RSRP1: variants seen among roughly 807,000 people sequenced by gnomAD.
RSRP1 encodes arginine and serine rich protein 1, also known as arginine/serine-rich protein 1.
In RSRP1, 37 loss-of-function variants were observed where a neutral mutation model predicts 33.0. The observed-to-expected ratio is 1.12, with a 90% CI of 0.86 to 1.48. RSRP1 has a LOEUF of 1.48. RSRP1 is among the 40% of genes most tolerant of loss of function. The pLI is 0.00. For missense variants in RSRP1, 402 were observed against 385.3 expected, an observed-to-expected ratio of 1.04 and a Z score of -0.36; for synonymous variants, 167 against 158.7, an observed-to-expected ratio of 1.05 and a Z score of -0.40.
upstream of RSRP1, chr1:25,338,188 G>A (rs937378601): frequency 1.3e-5 from 2 of 152,270 alleles, no homozygotes; most frequent in Admixed American, 6.5e-5. Flanking sequence ...CCGACGTCCA[G>A]CTGTGAACCC....
At position 25,259,103 on chromosome 1, in the gene RSRP1, C is replaced by CT. The variant is rs764030653; in HGVS notation, c.-66-12075dup. Among the ~76,000 whole-genome samples the CT allele has an allele frequency of 7.4e-5, 11 of 148,170 alleles. No individual in the cohort carries two copies. The East Asian group carries it at 7.8e-4, about 11-fold the overall frequency. ...TTTATTATTATTCCCTTTTTTTTTT[C>CT]TTTTTTTTGAGATGTAGTCTTACTC... On this transcript the variant is annotated intron_variant, in intron 1 of 1. Coordinates refer to the RSRP1 transcript ENST00000561867.
Position 25,320,968 on chromosome 1 carries a change from C to T in RSRP1, c.-67+17010G>A, listed in dbSNP as rs374703776. On this transcript the variant is annotated intron_variant, in intron 1 of 1. Coordinates refer to the RSRP1 transcript ENST00000561867. ...CTGAGGTGGGAGGGTTGCTTGACCC[C>T]GGGAGTTTGAGGCTGCAATGAGCTG... Among the ~76,000 whole-genome samples, 10 of 131,104 alleles carry T rather than the reference C, an allele frequency of 7.6e-5. 2 individuals are homozygous for T. The highest frequency in any genetic ancestry group is 3.9e-4 in the East Asian group (2 of 5,076). 86.0% of individuals were successfully genotyped at this position (131,104 alleles called of 152,430 possible).
chr1:25,260,316 T>G (rs1640091825), intron 1 of RSRP1, among the ~76,000 whole-genome samples: 1 of 152,228 alleles, frequency 6.6e-6, no homozygotes, highest in African/African-American at 2.4e-5. Flanking sequence ...CTTACATAAA[T>G]GTAGTTACAT....
rs759038817 is a variant in RSRP1 at position 25,290,727 on chromosome 1, T to A, written c.-66-43698A>T. 1.5e-6 allele frequency: 2 copies of A among 1,377,426 alleles called. 1 individual carries two copies. The allele number at this position is 1,377,426 out of a possible 1,614,324, so 85.3% of individuals were successfully genotyped here. Reference sequence around the variant, plus strand: ...AAGGTCAACTTGGCGCAGTTGGTGGTGATGGTGCTGGTGGAGGTGACAGCT... The same window carrying A: ...AAGGTCAACTTGGCGCAGTTGGTGGAGATGGTGCTGGTGGAGGTGACAGCT... On this transcript the variant is annotated intron_variant, in intron 1 of 1. Coordinates refer to the RSRP1 transcript ENST00000561867.
At chr1:25,308,818 TGA>T (rs1359651661) in intron 1 of RSRP1, among the ~76,000 whole-genome samples, 2 of 130,378 alleles carry the variant, frequency 1.5e-5, no homozygotes, top group Admixed American at 7.4e-5. Context: ...TTTGGTTTGC[TGA>T]GAGTAAAAGG....
At chr1:25,257,913 C>T (rs1639998549) in intron 1 of RSRP1, among the ~76,000 whole-genome samples, 1 of 152,052 alleles carries the variant, frequency 6.6e-6, no homozygotes, top group Admixed American at 6.6e-5. Context: ...ACCTGGCCCA[C>T]AGAAATAGAT....
At position 25,290,671 on chromosome 1, in the gene RSRP1, G is replaced by A. The variant is rs188168550; in HGVS notation, c.-66-43642C>T. 45 of 1,378,290 alleles carry A rather than the reference G, an allele frequency of 3.3e-5. 14 individuals are homozygous for A. The Middle Eastern group carries it at 5.5e-4, about 17-fold the overall frequency. The allele number at this position is 1,378,290 out of a possible 1,614,324, so 85.4% of individuals were successfully genotyped here. On this transcript the variant is annotated intron_variant, in intron 1 of 1. Coordinates refer to the RSRP1 transcript ENST00000561867. ...GGCTGGCCACCATGAGTGCTTTGTC[G>A]GTGCTGATCTCAGTGGATGCTGTCT...
intron 1 of RSRP1, among the ~76,000 whole-genome samples, chr1:25,331,775 T>C: frequency 9.4e-6 from 1 of 106,550 alleles, no homozygotes; most frequent in African/African-American, 3.2e-5. Flanking sequence ...AGTCTCGCTC[T>C]GTTACCCAGG....
At position 25,293,439 on chromosome 1, in the gene RSRP1, A is replaced by G. The variant is rs1478491312; in HGVS notation, c.-67+44539T>C. ...TTAGAGATTCCCATTGTGCGGAAAT[A>G]ACAATTTATTACTTATAGTTTTATA... On this transcript the variant is annotated intron_variant, in intron 1 of 1. Transcript: ENST00000561867. Among the ~76,000 whole-genome samples the G allele has an allele frequency of 1.3e-4, 17 of 130,964 alleles. 4 individuals are homozygous for G. The highest frequency in any genetic ancestry group is 4.4e-4 in the African/African-American group (17 of 38,526). The allele number at this position is 130,964 out of a possible 152,430, so 85.9% of individuals were successfully genotyped here. A position where few individuals can be genotyped will look rare whatever the true frequency, so the allele number is the denominator to read the frequency against.
intron 1 of RSRP1, among the ~76,000 whole-genome samples, chr1:25,260,549 T>C (rs1640099535): frequency 6.6e-6 from 1 of 152,222 alleles, no homozygotes; most frequent in South Asian, 2.1e-4. Context: ...GTGGTTCCAC[T>C]CAGTGACTGA....
At chr1:25,303,327 T>C in intron 1 of RSRP1, 1 of 1,367,310 alleles carries the variant, frequency 7.3e-7, no homozygotes, top group East Asian at 2.2e-5. Context: ...TGCAGACTTA[T>C]GTGCACAGTG....
intron 3 of RSRP1, 55 bp from the exon 4 acceptor site, chr1:25,243,688 TC>T: frequency 6.3e-7 from 1 of 1,595,750 alleles, no homozygotes; most frequent in South Asian, 1.1e-5. Context: ...GGTTTCTAAA[TC>T]CTATATTAAA....
intron 3 of RSRP1, chr1:25,244,466 TTCA>T: frequency 7.8e-7 from 1 of 1,289,374 alleles, no homozygotes. Flanking sequence ...ACAGATTTTC[TTCA>T]TCAATGTCTG....
Position 25,276,477 on chromosome 1 carries a change from A to G in RSRP1, c.-66-29448T>C, listed in dbSNP as rs190410974. On this transcript the variant is annotated intron_variant, in intron 1 of 1. Transcript: ENST00000561867. ...GGAGGCCAAGTGGGGAGGATCGCTTAAACCAAGGAGTTCAAGACGAGCCTA... is the reference window on the plus strand; with the variant it reads ...GGAGGCCAAGTGGGGAGGATCGCTTGAACCAAGGAGTTCAAGACGAGCCTA... Among the ~76,000 whole-genome samples the G allele has an allele frequency of 7.3e-3, 864 of 118,652 alleles. 82 individuals are homozygous for G. The highest frequency in any genetic ancestry group is 0.024 in the African/African-American group (812 of 34,218). The allele number at this position is 118,652 out of a possible 152,430, so 77.8% of individuals were successfully genotyped here.
Position 25,307,885 on chromosome 1 carries a change from C to T in RSRP1, c.-67+30093G>A. Reference sequence around the variant, plus strand: ...AAGCAAGGCGCCTCTGTGATGGGTTCCAGTGATGTGTCTGCCACTGTCTTA... The same window carrying T: ...AAGCAAGGCGCCTCTGTGATGGGTTTCAGTGATGTGTCTGCCACTGTCTTA... On this transcript the variant is annotated intron_variant, in intron 1 of 1. Transcript: ENST00000561867. 2.5e-6 allele frequency: 3 copies of T among 1,200,802 alleles called. 1 individual carries two copies. Among genetic ancestry groups the T allele is most frequent in the Non-Finnish European group, 3.5e-6 (3 of 854,730 alleles). 74.4% of individuals were successfully genotyped at this position (1,200,802 alleles called of 1,614,324 possible). A position where few individuals can be genotyped will look rare whatever the true frequency, so the allele number is the denominator to read the frequency against.
chr1:25,262,858 G>T (rs1166884893), intron 1 of RSRP1, among the ~76,000 whole-genome samples: 2 of 152,154 alleles, frequency 1.3e-5, no homozygotes, highest in African/African-American at 4.8e-5. Flanking sequence ...AGGGCGGATG[G>T]TTCCCTCTTA....
chr1:25,320,255 GAAC>G (rs1378926938), intron 1 of RSRP1, among the ~76,000 whole-genome samples: 1 of 131,676 alleles, frequency 7.6e-6, no homozygotes, highest in African/African-American at 2.6e-5. Flanking sequence ...TGAGAGATTA[GAAC>G]AACAACCCTC....
intron 1 of RSRP1, among the ~76,000 whole-genome samples, chr1:25,257,676 T>C (rs906419597): frequency 6.7e-6 from 1 of 150,268 alleles, no homozygotes; most frequent in East Asian, 2.0e-4. Context: ...CATGGCTCAC[T>C]GCAGCCTCAA....
At chr1:25,314,729 C>A (rs1463486628) in intron 1 of RSRP1, among the ~76,000 whole-genome samples, 2 of 131,818 alleles carry the variant, frequency 1.5e-5, no homozygotes, top group African/African-American at 2.6e-5. Flanking sequence ...TGATCTTGGA[C>A]TCCTGGCCTC....
Sources: allele counts gnomAD v4.1 joint callset (sites outside exome capture counted in the v4.1 genomes callset), GRCh38; gene constraint gnomAD v4.1.1; transcripts MANE v1.5; gene names NCBI Gene and HGNC (gene_info 2026-07-23, HGNC 2026-07-21).